The following CCDC83 variants were observed in gnomAD, a reference collection of about 807,000 sequenced individuals.
The protein encoded by CCDC83 is coiled-coil domain-containing protein 83.
Under a neutral mutation model 50.1 loss-of-function variants are expected in CCDC83, and 54 were observed. The observed-to-expected ratio is 1.08, with a 90% CI of 0.87 to 1.35. CCDC83 has a LOEUF of 1.35. Ranked by LOEUF, CCDC83 falls within the 40% of genes most tolerant of loss-of-function variation. The probability of loss-of-function intolerance (pLI) is 0.00; values close to 1 mark genes in which losing one functional copy is unlikely to be tolerated. For synonymous variants in CCDC83, 161 were observed against 153.3 expected (o/e 1.05, Z -0.37); for missense variants, 518 against 473.9 (o/e 1.09, Z -0.86).
chr11:85,883,299 T>G (rs2093310663), intron 4 of CCDC83, among the ~76,000 whole-genome samples: 1 of 149,036 alleles, frequency 6.7e-6, no homozygotes, highest in Non-Finnish European at 1.5e-5. Flanking sequence ...TTTTTTTTCT[T>G]TTTTTTTTTA....
In CCDC83 at chr11:85,903,962, G is replaced by A. The variant is rs184402270; in HGVS notation, c.672+4947G>A. Reference sequence around the variant, plus strand: ...AGCCTGGGCAACACAGCGAGACTCTGTCTTAAAAAATCAAATTAAATTTAA... The same window carrying A: ...AGCCTGGGCAACACAGCGAGACTCTATCTTAAAAAATCAAATTAAATTTAA... On this transcript the variant is annotated intron_variant, in intron 7 of 10. Transcript: ENST00000342404. Among the ~76,000 whole-genome samples the A allele has an allele frequency of 4.3e-3, 647 of 151,384 alleles. 2 individuals are homozygous for A. Among genetic ancestry groups the A allele is most frequent in the Non-Finnish European group, 7.2e-3 (492 of 67,904 alleles).
intron 3 of CCDC83, among the ~76,000 whole-genome samples, chr11:85,874,171 A>C (rs1225858936): frequency 6.6e-6 from 1 of 152,204 alleles, no homozygotes; most frequent in Non-Finnish European, 1.5e-5. Context: ...TATTTAGTGG[A>C]TAAGACAAGC....
In CCDC83 at chr11:85,855,864, G is replaced by A. The variant is rs2093136867; in HGVS notation, c.-29+280G>A. ...TCACCAAATTCTGAGTCTAGTGAAT[G>A]CTTTCTGAGGACCTCACATACTCTT... On this transcript the variant is annotated intron_variant, in intron 1 of 10. Transcript: ENST00000342404. Among the ~76,000 whole-genome samples, 3 of 152,142 alleles carry A rather than the reference G, an allele frequency of 2.0e-5. No homozygotes were observed. In the South Asian group the frequency reaches 6.2e-4, roughly 32 times the overall value.
chr11:85,881,143 TG>T (rs2093297384), intron 3 of CCDC83, among the ~76,000 whole-genome samples: 1 of 152,046 alleles, frequency 6.6e-6, no homozygotes, highest in African/African-American at 2.4e-5. Flanking sequence ...CCGCGGCAGA[TG>T]GATCACCTGA....
chr11:85,863,314 G>C (rs766765592), intron 1 of CCDC83, among the ~76,000 whole-genome samples: 3 of 152,202 alleles, frequency 2.0e-5, no homozygotes, highest in Admixed American at 6.5e-5. Context: ...CTCTGCATCT[G>C]AAACAAAGAG....
intron 3 of CCDC83, among the ~76,000 whole-genome samples, chr11:85,874,375 G>C (rs904338663): frequency 1.3e-5 from 2 of 152,224 alleles, no homozygotes; most frequent in African/African-American, 4.8e-5. Context: ...GGGACTTGTA[G>C]ATCAGGACTT....
intron 2 of CCDC83, among the ~76,000 whole-genome samples, chr11:85,866,035 T>A (rs1050444422): frequency 3.9e-5 from 6 of 152,166 alleles, no homozygotes; most frequent in Non-Finnish European, 7.4e-5. Flanking sequence ...TTCTTTTTAA[T>A]AATAATAAAA....
At chr11:85,902,885 T>C (rs892964945) in intron 7 of CCDC83, among the ~76,000 whole-genome samples, 1 of 152,196 alleles carries the variant, frequency 6.6e-6, no homozygotes, top group African/African-American at 2.4e-5. Context: ...CCTCTGTATA[T>C]GCCGGTTTTG....
At chr11:85,900,554 T>G (rs1025227939) in intron 7 of CCDC83, among the ~76,000 whole-genome samples, 5 of 152,128 alleles carry the variant, frequency 3.3e-5, no homozygotes, top group African/African-American at 9.7e-5. Flanking sequence ...CAGTCCTATT[T>G]ACACAGTGGT....
chr11:85,867,803 T>G (rs895943942), intron 2 of CCDC83, among the ~76,000 whole-genome samples: 1 of 152,242 alleles, frequency 6.6e-6, no homozygotes, highest in African/African-American at 2.4e-5. Context: ...ATTCTCATGA[T>G]CTAGTGCAAG....
At chr11:85,872,802 T>G (rs981582167) in intron 2 of CCDC83, among the ~76,000 whole-genome samples, 2 of 152,202 alleles carry the variant, frequency 1.3e-5, no homozygotes, top group Non-Finnish European at 2.9e-5. Flanking sequence ...ATGCCTAGTT[T>G]ACCTTAGTAT....
intron 7 of CCDC83, among the ~76,000 whole-genome samples, chr11:85,903,378 T>G (rs1251322232): frequency 6.6e-6 from 1 of 152,024 alleles, no homozygotes; most frequent in Non-Finnish European, 1.5e-5. Flanking sequence ...CACTGCAAAC[T>G]CTGCCTCCCA....
intron 7 of CCDC83, among the ~76,000 whole-genome samples, chr11:85,899,284 G>T (rs909574237): frequency 6.6e-6 from 1 of 152,164 alleles, no homozygotes; most frequent in African/African-American, 2.4e-5. Context: ...ACTTGATTTG[G>T]TCTTCCTCAT....
intron 2 of CCDC83, among the ~76,000 whole-genome samples, chr11:85,867,565 T>C (rs1001647096): frequency 1.3e-5 from 2 of 152,208 alleles, no homozygotes; most frequent in African/African-American, 2.4e-5. Context: ...AACTAATAAC[T>C]AGATACTATT....
chr11:85,902,117 T>G (rs2093405301), intron 7 of CCDC83, among the ~76,000 whole-genome samples: 1 of 143,436 alleles, frequency 7.0e-6, no homozygotes, highest in Admixed American at 7.4e-5. Flanking sequence ...GAAAAGGACA[T>G]GAATTTTCAG....
intron 9 of CCDC83, among the ~76,000 whole-genome samples, chr11:85,915,725 T>C (rs2093474505): frequency 2.0e-5 from 3 of 152,136 alleles, no homozygotes; most frequent in Non-Finnish European, 4.4e-5. Context: ...GTAAATTAAA[T>C]AAATACTGGT....
At chr11:85,899,414 T>G (rs776747380) in intron 7 of CCDC83, among the ~76,000 whole-genome samples, 1 of 152,236 alleles carries the variant, frequency 6.6e-6, no homozygotes, top group Non-Finnish European at 1.5e-5. Flanking sequence ...CCACTGACAT[T>G]TGAACCAGAT....
intron 4 of CCDC83, among the ~76,000 whole-genome samples, chr11:85,882,922 T>A (rs996543607): frequency 3.9e-5 from 6 of 152,120 alleles, no homozygotes; most frequent in African/African-American, 1.4e-4. Context: ...GAAATTTATC[T>A]GACTGTTTTT....
intron 3 of CCDC83, among the ~76,000 whole-genome samples, chr11:85,873,956 CTG>C (rs1406933212): frequency 6.6e-6 from 1 of 152,150 alleles, no homozygotes; most frequent in African/African-American, 2.4e-5. Flanking sequence ...TCACAGCTAA[CTG>C]TTTTATTTTG....
Sources: gnomAD v4.1 joint callset for allele counts (sites outside exome capture counted in the v4.1 genomes callset) on GRCh38, gnomAD v4.1.1 for gene constraint, MANE v1.5 for transcripts, NCBI Gene and HGNC (gene_info 2026-07-23, HGNC 2026-07-21) for gene names.